Variants in PADI6 observed in about 807,000 individuals in gnomAD.
PADI6 encodes peptidyl arginine deiminase 6, also known as inactive protein-arginine deiminase type-6.
Under a neutral mutation model 78.2 loss-of-function variants are expected in PADI6, and 66 were observed. That is an observed-to-expected ratio of 0.84 (90% CI 0.69 to 1.04). The LOEUF is 1.04. PADI6 is among the 50% of genes least tolerant of loss of function. The pLI is 0.00. For synonymous variants in PADI6, 397 were observed against 346.9 expected, an observed-to-expected ratio of 1.14 and a Z score of -1.60; for missense variants, 854 against 866.1, an observed-to-expected ratio of 0.99 and a Z score of 0.18.
In PADI6 at chr1:17,401,488, T is replaced by TCA. The variant is rs773662987; in HGVS notation, c.*52_*53dup. The TCA allele has an allele frequency of 3.8e-5, 56 of 1,482,602 alleles. No homozygotes were observed. Among genetic ancestry groups the TCA allele is most frequent in the Middle Eastern group, 3.7e-4 (2 of 5,352 alleles). The allele number at this position is 1,482,602 out of a possible 1,614,324, so 91.8% of individuals were successfully genotyped here. A position where few individuals can be genotyped will look rare whatever the true frequency, so the allele number is the denominator to read the frequency against. On this transcript the variant is annotated 3_prime_UTR_variant, in exon 16 of 16. Transcript: ENST00000619609. ...CTGCCCCAGCGTGGATGGCCCACTG[T>TCA]CACCATGCAACAGCATGATTCTTTG...
chr1:17,385,018 T>C (rs1324836397), intron 6 of PADI6, among the ~76,000 whole-genome samples: 1 of 152,108 alleles, frequency 6.6e-6, no homozygotes, highest in Non-Finnish European at 1.5e-5. Context: ...AAATGGATCC[T>C]AGAGGAAGAT....
chr1:17,398,662 C>CGCAA, intron 14 of PADI6, 24 bp from the exon 15 acceptor site: 1 of 118,654 alleles, frequency 8.4e-6, no homozygotes, highest in Non-Finnish European at 1.7e-5. Context: ...CCGCCCCCCC[C>CGCAA]CCCACCCACC....
intron 2 of PADI6, 144 bp downstream of exon 2, chr1:17,373,377 G>A: frequency 1.0e-6 from 1 of 1,000,736 alleles, no homozygotes. Flanking sequence ...GTCTGCAACA[G>A]ACCAGTGGTG....
intron 6 of PADI6, among the ~76,000 whole-genome samples, chr1:17,386,270 C>T (rs781529466): frequency 1.3e-5 from 2 of 152,180 alleles, no homozygotes; most frequent in Non-Finnish European, 2.9e-5. Flanking sequence ...ACCACAGCTC[C>T]TAGCAAAGAT....
At chr1:17,393,223 G>A (rs1409800668) in intron 9 of PADI6, among the ~76,000 whole-genome samples, 1 of 152,154 alleles carries the variant, frequency 6.6e-6, no homozygotes, top group African/African-American at 2.4e-5. Flanking sequence ...GAACAAAGGT[G>A]AAAGGCAGGG....
intron 8 of PADI6, among the ~76,000 whole-genome samples, chr1:17,390,680 C>T (rs1251028951): frequency 2.0e-5 from 3 of 151,910 alleles, no homozygotes; most frequent in African/African-American, 7.3e-5. Flanking sequence ...GGGCAGGGCT[C>T]CTGGGGAGTG....
chr1:17,382,780 G>A (rs2075085479), intron 6 of PADI6, among the ~76,000 whole-genome samples: 1 of 152,118 alleles, frequency 6.6e-6, no homozygotes, highest in African/African-American at 2.4e-5. Flanking sequence ...GCTTTCTTTG[G>A]GTTTTGTTTT....
intron 2 of PADI6, among the ~76,000 whole-genome samples, chr1:17,374,258 TACAC>T (rs746389298): frequency 6.6e-6 from 1 of 151,860 alleles, no homozygotes; most frequent in Admixed American, 6.6e-5. Context: ...GAGGGGTAGG[TACAC>T]ACACCCACCT....
intron 2 of PADI6, among the ~76,000 whole-genome samples, chr1:17,375,074 T>C (rs1057214460): frequency 6.6e-6 from 1 of 151,990 alleles, no homozygotes; most frequent in African/African-American, 2.4e-5. Context: ...GGAGGATGTA[T>C]AGTGTGGTTT....
chr1:17,375,618 C>G (rs2075007843), intron 3 of PADI6, 119 bp downstream of exon 3: 2 of 828,558 alleles, frequency 2.4e-6, no homozygotes, highest in African/African-American at 3.4e-5. Flanking sequence ...TCCTGTGGGC[C>G]CCAGGAACTC....
At chr1:17,380,974 C>A in intron 4 of PADI6, 73 bp from the exon 5 acceptor site, 3 of 1,294,102 alleles carry the variant, frequency 2.3e-6, no homozygotes, top group Non-Finnish European at 3.2e-6. Context: ...GGCCCCTCTG[C>A]TATGAGGTGC....
At chr1:17,389,756 C>T (rs983071492) in intron 8 of PADI6, among the ~76,000 whole-genome samples, 1 of 152,162 alleles carries the variant, frequency 6.6e-6, no homozygotes, top group African/African-American at 2.4e-5. Flanking sequence ...AAGTCAGGTA[C>T]AGATAAAAGG....
intron 14 of PADI6, among the ~76,000 whole-genome samples, chr1:17,398,460 C>G (rs2075267793): frequency 6.6e-6 from 1 of 152,142 alleles, no homozygotes; most frequent in South Asian, 2.1e-4. Context: ...GGATCCTGGA[C>G]TAAAGACTAG....
chr1:17,393,133 G>A (rs1464889893), intron 9 of PADI6, among the ~76,000 whole-genome samples: 2 of 151,964 alleles, frequency 1.3e-5, no homozygotes, highest in Non-Finnish European at 2.9e-5. Flanking sequence ...ATGACAGAGC[G>A]AGACTGTCTC....
At position 17,395,434 on chromosome 1, in the gene PADI6, C is replaced by T. The variant is rs572154963; in HGVS notation, c.1495-106C>T. The stretch of plus-strand genomic sequence containing the variant: ...GGCCAGGCTGGTCTCGAACTTCTGA[C>T]CTCAGAGGATCTGCCTGCCTCGGCC... On this transcript the variant is annotated intron_variant, in intron 12 of 15. Coordinates refer to ENST00000619609, the MANE Select transcript of PADI6 (RefSeq NM_207421.4). 959 of 1,405,448 alleles carry T rather than the reference C, an allele frequency of 6.8e-4. 16 individuals are homozygous for T. The South Asian group carries it at 0.012, about 18-fold the overall frequency. 87.1% of individuals were successfully genotyped at this position (1,405,448 alleles called of 1,614,324 possible).
At chr1:17,387,962 CAGTA>C (rs749568763) in intron 6 of PADI6, among the ~76,000 whole-genome samples, 1 of 152,178 alleles carries the variant, frequency 6.6e-6, no homozygotes, top group Non-Finnish European at 1.5e-5. Context: ...TTTCTAGCAT[CAGTA>C]AGTGATTTTT....
At chr1:17,401,172 G>A in intron 15 of PADI6, 33 bp from the exon 16 acceptor site, 1 of 1,605,440 alleles carries the variant, frequency 6.2e-7, no homozygotes, top group Non-Finnish European at 8.5e-7. Flanking sequence ...TCTGATCCCT[G>A]TCCAGGCCTC....
chr1:17,396,562 G>A (rs952094039), intron 13 of PADI6, among the ~76,000 whole-genome samples: 16 of 152,152 alleles, frequency 1.1e-4, no homozygotes, highest in South Asian at 2.1e-4. Context: ...TTGGGGCCCG[G>A]GAACTCCTGG....
At chr1:17,392,034 TC>T in intron 8 of PADI6, 79 bp from the exon 9 acceptor site, 1 of 1,202,632 alleles carries the variant, frequency 8.3e-7, no homozygotes, top group Non-Finnish European at 1.2e-6. Context: ...GATGTGTTCT[TC>T]CTCTCTTGGC....
Sources: gnomAD v4.1 joint callset for allele counts (sites outside exome capture counted in the v4.1 genomes callset) on GRCh38, gnomAD v4.1.1 for gene constraint, MANE v1.5 for transcripts, NCBI Gene and HGNC (gene_info 2026-07-23, HGNC 2026-07-21) for gene names.